Variants in RNF144A observed in about 807,000 individuals in gnomAD.
RNF144A encodes E3 ubiquitin-protein ligase RNF144A.
RNF144A carries 11 observed loss-of-function variants against 38.7 expected under a neutral mutation model. The observed-to-expected ratio is 0.28, with a 90% CI of 0.18 to 0.47. RNF144A has a LOEUF of 0.47. Ranked by LOEUF, RNF144A falls within the 20% of genes least tolerant of loss-of-function variation. The probability of loss-of-function intolerance (pLI) is 0.99; values close to 1 mark genes in which losing one functional copy is unlikely to be tolerated. For missense variants in RNF144A, 316 were observed against 377.2 expected (o/e 0.84, Z 1.34); for synonymous variants, 149 against 143.9 (o/e 1.04, Z -0.25).
intron 2 of RNF144A, among the ~76,000 whole-genome samples, chr2:6,952,437 G>A (rs1179364089): frequency 6.7e-6 from 1 of 149,318 alleles, no homozygotes; most frequent in African/African-American, 2.5e-5. Context: ...AAGATTTTGT[G>A]TACGATTTAT....
At position 6,938,103 on chromosome 2, in the gene RNF144A, A is replaced by G. The variant is rs190770692; in HGVS notation, c.-211-2845A>G. ...ATGCCTAAAGTTAAGCAGAGTTTAC[A>G]TGTAGTGTTGCAGTCCTGATGAACA... On this transcript the variant is annotated intron_variant, in intron 1 of 8. Transcript: ENST00000320892. Among the ~76,000 whole-genome samples, 638 of 152,324 alleles carry G rather than the reference A, an allele frequency of 4.2e-3. 5 individuals carry two copies. The highest frequency in any genetic ancestry group is 0.014 in the African/African-American group (601 of 41,570).
At chr2:6,945,590 C>T (rs1437433554) in intron 2 of RNF144A, among the ~76,000 whole-genome samples, 3 of 152,172 alleles carry the variant, frequency 2.0e-5, no homozygotes, top group African/African-American at 7.2e-5. Context: ...ATAGATTTCT[C>T]TAGAAAGATC....
At chr2:7,046,287 C>T (rs952147047), downstream of RNF144A, among the ~76,000 whole-genome samples, 4 of 152,192 alleles carry the variant, frequency 2.6e-5, no homozygotes, top group Admixed American at 1.3e-4. Context: ...GTTGGCTACT[C>T]GCTCTTCTCT....
At chr2:6,940,558 A>G (rs1665899848) in intron 1 of RNF144A, among the ~76,000 whole-genome samples, 1 of 148,664 alleles carries the variant, frequency 6.7e-6, no homozygotes, top group Non-Finnish European at 1.5e-5. Context: ...TTTTATTTTT[A>G]TTTTATTATA....
chr2:6,972,627 A>G (rs1368406869), intron 2 of RNF144A, among the ~76,000 whole-genome samples: 8 of 152,046 alleles, frequency 5.3e-5, no homozygotes. Flanking sequence ...TTAGAGATTT[A>G]CTGTTTCGTA....
intron 3 of RNF144A, 106 bp from the exon 4 acceptor site, chr2:7,014,348 A>G: frequency 1.3e-6 from 1 of 797,282 alleles, no homozygotes; most frequent in South Asian, 1.5e-5. Flanking sequence ...TGAAAATATT[A>G]AACTGTAATG....
chr2:6,989,293 G>A (rs1324087809), intron 2 of RNF144A, among the ~76,000 whole-genome samples: 3 of 140,634 alleles, frequency 2.1e-5, no homozygotes, highest in Non-Finnish European at 4.9e-5. Flanking sequence ...GACCACCCTT[G>A]CTTATCTGAG....
intron 2 of RNF144A, among the ~76,000 whole-genome samples, chr2:6,966,940 C>T (rs550132556): frequency 4.6e-5 from 7 of 152,176 alleles, no homozygotes; most frequent in Non-Finnish European, 1.0e-4. Context: ...CCATGCTTCT[C>T]CCCTGTACAG....
chr2:7,020,329 C>T (rs72781798), intron 5 of RNF144A, 144 bp from the exon 6 acceptor site: 32,044 of 677,238 alleles, frequency 0.047, 946 homozygotes, highest in South Asian at 0.088. Flanking sequence ...GTGGCTTGGG[C>T]GGTGCTTCGG....
intron 3 of RNF144A, among the ~76,000 whole-genome samples, chr2:7,000,084 C>T (rs761904944): frequency 6.6e-6 from 1 of 152,188 alleles, no homozygotes; most frequent in African/African-American, 2.4e-5. Context: ...GCAGGTTCTC[C>T]GGGGCTTTCC....
At chr2:6,935,126 A>T (rs945846202) in intron 1 of RNF144A, among the ~76,000 whole-genome samples, 11 of 152,106 alleles carry the variant, frequency 7.2e-5, no homozygotes, top group Admixed American at 4.6e-4. Flanking sequence ...CCTTCTACAG[A>T]TAACCCCTCC....
rs1672955379 is a variant in RNF144A, at chr2:7,040,079, T to C, written c.*319T>C. ...AGACTAGGCATGTCTGGGGATGGCC[T>C]AAGAGACTTTCTGCTCCTTGGCTTC... On this transcript the variant is annotated 3_prime_UTR_variant, in exon 9 of 9. Transcript: ENST00000320892. The C allele has an allele frequency of 9.4e-7, 1 of 1,065,860 alleles. No individual in the cohort carries two copies. The allele number at this position is 1,065,860 out of a possible 1,614,324, so 66.0% of individuals were successfully genotyped here.
intron 7 of RNF144A, among the ~76,000 whole-genome samples, chr2:7,025,440 G>T (rs576941208): frequency 6.6e-6 from 1 of 152,198 alleles, no homozygotes; most frequent in South Asian, 2.1e-4. Flanking sequence ...TTGGGAGGCC[G>T]AGGTGGTCAG....
chr2:6,958,996 G>A lies in RNF144A; in HGVS notation c.-12+17849G>A, dbSNP rs988086479. On this transcript the variant is annotated intron_variant, in intron 2 of 8. Coordinates refer to ENST00000320892, the MANE Select transcript of RNF144A (RefSeq NM_014746.6). The surrounding 1 kb of genome is among the most constrained non-coding windows in gnomAD (Gnocchi z 4.5). ...GGGCGTCCAGTTACTGCTCTCCGGG[G>A]CTTGCTCCCCTGATCACTCTCTTAC... Among the ~76,000 whole-genome samples the A allele has an allele frequency of 6.6e-6, 1 of 152,186 alleles. No homozygotes were observed. Among genetic ancestry groups the A allele is most frequent in the East Asian group, 1.9e-4 (1 of 5,196 alleles).
chr2:7,030,074 G>T (rs372764143), intron 7 of RNF144A, 52 bp from the exon 8 acceptor site: 6 of 1,273,884 alleles, frequency 4.7e-6, no homozygotes, highest in South Asian at 2.4e-5. Flanking sequence ...GATACTCACC[G>T]AACTGAGCAG....
At chr2:7,076,236 A>G in the RNF144A span, among the ~76,000 whole-genome samples, 2 of 152,154 alleles carry the variant, frequency 1.3e-5, no homozygotes, top group South Asian at 2.1e-4. Context: ...TAAGAAATTC[A>G]TTGTCAATAT....
chr2:7,049,935 A>G (rs1462318569), intron 6 of RNF144A, among the ~76,000 whole-genome samples: 1 of 152,240 alleles, frequency 6.6e-6, no homozygotes, highest in Non-Finnish European at 1.5e-5. Context: ...TGGAAACGCC[A>G]GGGGCAGGAT....
intron 5 of RNF144A, among the ~76,000 whole-genome samples, chr2:7,015,112 A>T (rs1671053821): frequency 6.6e-6 from 1 of 152,084 alleles, no homozygotes; most frequent in African/African-American, 2.4e-5. Context: ...AAACTCTTGG[A>T]CTGGCCCAGA....
chr2:6,967,097 G>A (rs1487898193), intron 2 of RNF144A, among the ~76,000 whole-genome samples: 1 of 152,074 alleles, frequency 6.6e-6, no homozygotes, highest in Non-Finnish European at 1.5e-5. Flanking sequence ...CCTGTATGAT[G>A]TTCTCCCTTT....
Sources: allele counts gnomAD v4.1 joint callset (sites outside exome capture counted in the v4.1 genomes callset), GRCh38; gene constraint gnomAD v4.1.1; non-coding constraint Gnocchi (gnomAD v3.1); transcripts MANE v1.5; gene names NCBI Gene and HGNC (gene_info 2026-07-23, HGNC 2026-07-21).